Variants in SMPDL3A observed in about 807,000 individuals in gnomAD.
SMPDL3A encodes the protein cyclic GMP-AMP phosphodiesterase SMPDL3A.
In SMPDL3A, 39 loss-of-function variants were observed where a neutral mutation model predicts 38.5. The observed-to-expected ratio is 1.01, with a 90% confidence interval of 0.78 to 1.32. SMPDL3A has a LOEUF of 1.32. Ranked by LOEUF, SMPDL3A falls within the 40% of genes most tolerant of loss-of-function variation. The pLI, the probability that SMPDL3A is intolerant of heterozygous loss-of-function variation, is 0.00. For synonymous variants in SMPDL3A, 180 were observed against 194.3 expected, an observed-to-expected ratio of 0.93 and a Z score of 0.61; for missense variants, 502 against 536.2, an observed-to-expected ratio of 0.94 and a Z score of 0.63.
intron 7 of SMPDL3A, among the ~76,000 whole-genome samples, chr6:122,806,572 C>A (rs570559644): frequency 8.5e-5 from 13 of 152,286 alleles, no homozygotes; most frequent in African/African-American, 2.6e-4. Flanking sequence ...CTGTTCTGTT[C>A]TTCTAAGGAC....
Position 122,799,640 on chromosome 6 carries a change from G to A in SMPDL3A, c.472-1670G>A, listed in dbSNP as rs192419844. On this transcript the variant is annotated intron_variant, in intron 3 of 7. Coordinates refer to ENST00000368440, the MANE Select transcript of SMPDL3A (RefSeq NM_006714.5). ...TAAGCTGTTGTGTAATTCTCAGACA[G>A]GCGACCCTGATCTTGGACACAAACT... 2.0e-5 allele frequency among the ~76,000 whole-genome samples: 3 copies of A among 152,270 alleles called. No homozygotes were observed. The East Asian group carries it at 5.8e-4, about 29-fold the overall frequency.
rs1562349758 is a variant in SMPDL3A at position 122,797,019 on chromosome 6, G to T, written c.471+51G>T. The T allele has an allele frequency of 4.0e-6, 6 of 1,515,088 alleles. No homozygotes were observed. The South Asian group carries it at 4.7e-5, about 12-fold the overall frequency. The allele number at this position is 1,515,088 out of a possible 1,614,324, so 93.9% of individuals were successfully genotyped here. A position where few individuals can be genotyped will look rare whatever the true frequency, so the allele number is the denominator to read the frequency against. ...GCTTAAAGAATTTTTCCTATTAGTA[G>T]TGTCAAAATTGTGACAATAACTAGC... On this transcript the variant is annotated intron_variant, in intron 3 of 7. Coordinates refer to ENST00000368440, the MANE Select transcript of SMPDL3A (RefSeq NM_006714.5).
intron 1 of SMPDL3A, among the ~76,000 whole-genome samples, chr6:122,794,230 G>A (rs969051957): frequency 2.6e-5 from 4 of 152,142 alleles, no homozygotes; most frequent in African/African-American, 9.7e-5. Context: ...TTATCACAGT[G>A]CCTGGCACAT....
chr6:122,790,430 T>A (rs1466627122), intron 1 of SMPDL3A, among the ~76,000 whole-genome samples: 1 of 152,214 alleles, frequency 6.6e-6, no homozygotes, highest in Non-Finnish European at 1.5e-5. Flanking sequence ...AATTGCACTG[T>A]TAAGAGGAAA....
In SMPDL3A at chr6:122,796,860, A is replaced by AACAG; in HGVS notation, c.367_370dup (p.Thr124ArgfsTer9). ...CTCATGTTCCTGTACCTGAACTCTC[A>AACAG]ACAGACACTGTTATAAATGTGATCA... On this transcript the variant is annotated frameshift_variant, in exon 3 of 8. Transcript: ENST00000368440. LOFTEE classifies it high-confidence loss of function. The AACAG allele has an allele frequency of 1.2e-6, 2 of 1,613,234 alleles. No individual in the cohort carries two copies. The highest frequency in any genetic ancestry group is 1.7e-6 in the Non-Finnish European group (2 of 1,179,300).
At chr6:122,791,878 A>G (rs1781089641) in intron 1 of SMPDL3A, among the ~76,000 whole-genome samples, 1 of 152,128 alleles carries the variant, frequency 6.6e-6, no homozygotes, top group Non-Finnish European at 1.5e-5. Context: ...TACTTTTAGT[A>G]GAGACGGGGT....
In SMPDL3A at chr6:122,806,221, C is replaced by T. The variant is rs772022463; in HGVS notation, c.920-12C>T. On this transcript the variant is annotated splice_polypyrimidine_tract_variant and intron_variant, in intron 6 of 7. Transcript: ENST00000368440. Reference sequence around the variant, plus strand: ...TTAAAAATGTATGTTTATGTGCATACGTTTTGTTCAGGAAGTCCAGTAAAT... The same window carrying T: ...TTAAAAATGTATGTTTATGTGCATATGTTTTGTTCAGGAAGTCCAGTAAAT... 41 of 1,605,934 alleles carry T rather than the reference C, an allele frequency of 2.6e-5. No homozygotes were observed. The highest frequency in any genetic ancestry group is 7.8e-5 in the South Asian group (7 of 89,432).
chr6:122,801,347 C>T lies in SMPDL3A; in HGVS notation c.509C>T (p.Ala170Val). The change falls in exon 4 of 8, where the codon GCA becomes GTA. Residue 170 changes from alanine (A) to valine (V), a missense_variant. Physicochemically the swap from Ala to Val is moderately conservative, Grantham distance 64. Transcript: ENST00000368440. ...LPVVTSKVYN[A>V]VANLWKPWLD... ...GTAGTCACCAGTAAAGTGTACAATGCAGTAGCAAACCTCTGGAAACCATGG... is the reference window on the plus strand; with the variant it reads ...GTAGTCACCAGTAAAGTGTACAATGTAGTAGCAAACCTCTGGAAACCATGG... 6.2e-7 allele frequency: 1 copy of T among 1,613,458 alleles called. No individual in the cohort carries two copies. The highest frequency in any genetic ancestry group is 8.5e-7 in the Non-Finnish European group (1 of 1,179,370).
At chr6:122,806,189 C>G in intron 6 of SMPDL3A, 44 bp from the exon 7 acceptor site, 7 of 1,533,952 alleles carry the variant, frequency 4.6e-6, no homozygotes, top group Non-Finnish European at 6.2e-6. Context: ...TATAGTTAAA[C>G]TCTTATTTAA....
chr6:122,803,697 C>A lies in SMPDL3A; in HGVS notation c.602C>A (p.Pro201Gln). The A allele has an allele frequency of 6.2e-7, 1 of 1,613,188 alleles. No homozygotes were observed. Among genetic ancestry groups the A allele is most frequent in the South Asian group, 1.1e-5 (1 of 90,796 alleles). ...GFYSQKVTTNPNLRIISLNTN... is the reference protein window; with the variant it reads ...GFYSQKVTTNQNLRIISLNTN... Reference sequence around the variant, plus strand: ...TATTCACAGAAAGTTACAACTAATCCAAACCTTAGGATCATCAGTCTAAAC... The same window carrying A: ...TATTCACAGAAAGTTACAACTAATCAAAACCTTAGGATCATCAGTCTAAAC... Residue 201 changes from proline (P) to glutamine (Q), a missense_variant, in exon 5 of 8, where the codon CCA (proline) becomes CAA (glutamine). Transcript: ENST00000368440.
chr6:122,795,334 G>T, intron 1 of SMPDL3A, among the ~76,000 whole-genome samples: 1 of 152,032 alleles, frequency 6.6e-6, no homozygotes, highest in East Asian at 1.9e-4. Flanking sequence ...GTAGAGATGG[G>T]GTTTCACCAT....
intron 4 of SMPDL3A, among the ~76,000 whole-genome samples, chr6:122,802,195 C>CTTTTTTTTTT (rs3031702): frequency 8.1e-6 from 1 of 123,560 alleles, no homozygotes; most frequent in Non-Finnish European, 1.7e-5. Context: ...TATATCTAGT[C>CTTTTTTTTTT]TTTTTTTTTT....
chr6:122,799,069 T>C (rs1781342393), intron 3 of SMPDL3A, among the ~76,000 whole-genome samples: 2 of 152,184 alleles, frequency 1.3e-5, no homozygotes, highest in African/African-American at 4.8e-5. Flanking sequence ...ATAAGTGCTA[T>C]TTTTCCACTG....
chr6:122,803,802 C>G lies in SMPDL3A; in HGVS notation c.707C>G (p.Thr236Arg). The G allele has an allele frequency of 2.5e-6, 4 of 1,613,928 alleles. No individual in the cohort carries two copies. Among genetic ancestry groups the G allele is most frequent in the Non-Finnish European group, 3.4e-6 (4 of 1,179,996 alleles). ...PANQFEWLES[T>R]LNNSQQNKEK... ...AACCAGTTTGAATGGCTAGAAAGTA[C>G]ATTGAACAACTCTCAGCAGAATAAG... The change falls in exon 5 of 8, where the codon ACA becomes AGA. Residue 236 changes from threonine (T) to arginine (R), a missense_variant. Thr to Arg is a moderately conservative substitution (Grantham distance 71). Coordinates refer to ENST00000368440, the MANE Select transcript of SMPDL3A (RefSeq NM_006714.5).
chr6:122,797,544 A>G (rs1781291349), intron 3 of SMPDL3A, among the ~76,000 whole-genome samples: 1 of 152,166 alleles, frequency 6.6e-6, no homozygotes, highest in Non-Finnish European at 1.5e-5. Context: ...CCGGCTCAAC[A>G]GGTTTTTATT....
Position 122,803,843 on chromosome 6 carries a change from A to G in SMPDL3A, c.738+10A>G, listed in dbSNP as rs752964417. The G allele has an allele frequency of 1.9e-6, 3 of 1,611,682 alleles. No individual in the cohort carries two copies. Among genetic ancestry groups the G allele is most frequent in the Admixed American group, 1.7e-5 (1 of 59,652 alleles). On this transcript the variant is annotated intron_variant, in intron 5 of 7. Transcript: ENST00000368440. ...GCAGAATAAGGAGAAGGTAGATCCC[A>G]TAGACCAAAACCATCTGGGAATAAA...
At position 122,806,341 on chromosome 6, in the gene SMPDL3A, G is replaced by A. The variant is rs61745223; in HGVS notation, c.1028G>A (p.Arg343His). 2.4e-3 allele frequency: 3,831 copies of A among 1,608,022 alleles called. 96 individuals are homozygous for A. In the African/African-American group the frequency reaches 0.045, roughly 19 times the overall value. ...PGIRLFQYDP[R>H]DYKLLDMLQY... ...ATCAGACTGTTTCAGTATGATCCTC[G>A]TGATTATAAATTATTGGTAAGTTGG... The change falls in exon 7 of 8, where the codon CGT becomes CAT. Residue 343 changes from arginine to histidine, a missense_variant. Coordinates refer to ENST00000368440, the MANE Select transcript of SMPDL3A (RefSeq NM_006714.5).
At chr6:122,795,547 A>G (rs1781216913) in intron 1 of SMPDL3A, 130 bp from the exon 2 acceptor site, 2 of 670,562 alleles carry the variant, frequency 3.0e-6, no homozygotes, top group South Asian at 4.0e-5. Flanking sequence ...AGGCTTATGA[A>G]CATTTAAATT....
chr6:122,798,463 G>A (rs1781324208), intron 3 of SMPDL3A, among the ~76,000 whole-genome samples: 1 of 151,976 alleles, frequency 6.6e-6, no homozygotes, highest in Non-Finnish European at 1.5e-5. Context: ...CTCCCTCTCC[G>A]CCACCACACC....
Sources: gnomAD v4.1 joint callset for allele counts (sites outside exome capture counted in the v4.1 genomes callset) on GRCh38, gnomAD v4.1.1 for gene constraint, MANE v1.5 for transcripts, NCBI Gene and HGNC (gene_info 2026-07-23, HGNC 2026-07-21) for gene names.